The following MIR2052HG variants were observed in gnomAD, a reference collection of about 807,000 sequenced individuals.
The protein encoded by MIR2052HG is MIR2052 host gene.
intron 2 of MIR2052HG, among the ~76,000 whole-genome samples, chr8:74,659,508 G>A (rs768157721): frequency 5.9e-5 from 9 of 151,898 alleles, no homozygotes; most frequent in East Asian, 1.9e-4. Context: ...TAATATAATC[G>A]CAGCTCACTG....
intron 2 of MIR2052HG, among the ~76,000 whole-genome samples, chr8:74,676,662 A>G (rs1397577519): frequency 6.6e-6 from 1 of 151,922 alleles, no homozygotes; most frequent in East Asian, 1.9e-4. Flanking sequence ...AGAGTTTATT[A>G]GATAGGTTTA....
intron 2 of MIR2052HG, among the ~76,000 whole-genome samples, chr8:74,680,888 A>G (rs1809116574): frequency 6.6e-6 from 1 of 151,768 alleles, no homozygotes; most frequent in Non-Finnish European, 1.5e-5. Flanking sequence ...CAGCCAGAAA[A>G]AATGATGAGT....
chr8:74,681,697 C>G lies in MIR2052HG; in HGVS notation n.217-20682C>G, dbSNP rs148192768. ...GACAAGTTTGGCCCCCGTTTGCTCT[C>G]TGTCTTATGTTCTCACATAATATTC... On this transcript the variant is annotated intron_variant and non_coding_transcript_variant, in intron 2 of 6. Coordinates refer to ENST00000523442, the Ensembl canonical transcript of MIR2052HG. 8.9e-3 allele frequency among the ~76,000 whole-genome samples: 1,357 copies of G among 152,244 alleles called. 9 individuals are homozygous for G. Among genetic ancestry groups the G allele is most frequent in the Admixed American group, 0.015 (229 of 15,274 alleles).
chr8:74,679,589 G>C (rs151034713), intron 2 of MIR2052HG, among the ~76,000 whole-genome samples: 1 of 150,328 alleles, frequency 6.7e-6, no homozygotes. Context: ...GCAGTGTCAC[G>C]ATCTCGGCTT....
At chr8:74,743,717 T>C (rs1257615916) in intron 4 of MIR2052HG, among the ~76,000 whole-genome samples, 1 of 152,194 alleles carries the variant, frequency 6.6e-6, no homozygotes, top group African/African-American at 2.4e-5. Flanking sequence ...CTGGGTGGGA[T>C]AGGTAACATG....
At chr8:74,717,165 G>A (rs777733409) in intron 4 of MIR2052HG, among the ~76,000 whole-genome samples, 8 of 149,480 alleles carry the variant, frequency 5.4e-5, no homozygotes, top group African/African-American at 9.9e-5. Flanking sequence ...CCTCACCCCC[G>A]ACCCCCTGAA....
intron 2 of MIR2052HG, among the ~76,000 whole-genome samples, chr8:74,664,000 T>C (rs1351041504): frequency 6.6e-6 from 1 of 152,150 alleles, no homozygotes; most frequent in Non-Finnish European, 1.5e-5. Context: ...GAGGCCATTA[T>C]TCTAAGTGAA....
At chr8:74,702,659 A>G (rs1182397136) in intron 3 of MIR2052HG, among the ~76,000 whole-genome samples, 1 of 152,154 alleles carries the variant, frequency 6.6e-6, no homozygotes, top group East Asian at 1.9e-4. Context: ...ATTTTAACAA[A>G]ACTTTGGGAG....
At chr8:74,689,866 A>C (rs551116241) in intron 2 of MIR2052HG, among the ~76,000 whole-genome samples, 3 of 152,316 alleles carry the variant, frequency 2.0e-5, no homozygotes, top group Middle Eastern at 3.4e-3. Flanking sequence ...GGATAGAGAC[A>C]TGAAGAAGGC....
chr8:74,601,280 C>G (rs1241167727), intron 1 of MIR2052HG, among the ~76,000 whole-genome samples: 1 of 152,224 alleles, frequency 6.6e-6, no homozygotes, highest in Non-Finnish European at 1.5e-5. Flanking sequence ...TCAAAGCACT[C>G]CAACTGGAAT....
intron 4 of MIR2052HG, among the ~76,000 whole-genome samples, chr8:74,745,361 G>A (rs1344888845): frequency 1.3e-5 from 2 of 152,098 alleles, no homozygotes; most frequent in Non-Finnish European, 2.9e-5. Context: ...ATAATAAATG[G>A]TAAATAAGCA....
chr8:74,602,829 CTT>C (rs1348683057), intron 1 of MIR2052HG, among the ~76,000 whole-genome samples: 1 of 130,928 alleles, frequency 7.6e-6, no homozygotes, highest in South Asian at 2.4e-4. Flanking sequence ...TTCTTTCTTT[CTT>C]TCTTTCTTTC....
At chr8:74,724,765 A>T (rs1809616737) in intron 4 of MIR2052HG, among the ~76,000 whole-genome samples, 1 of 152,130 alleles carries the variant, frequency 6.6e-6, no homozygotes, top group South Asian at 2.1e-4. Flanking sequence ...CTTTATTTTG[A>T]TTAGTCAAGC....
chr8:74,622,918 C>T (rs1245101222), intron 2 of MIR2052HG, among the ~76,000 whole-genome samples: 1 of 151,824 alleles, frequency 6.6e-6, no homozygotes, highest in Admixed American at 6.6e-5. Flanking sequence ...ATAAGCCAGG[C>T]ACAGAAAGAT....
At chr8:74,701,412 C>T (rs919212215) in intron 2 of MIR2052HG, among the ~76,000 whole-genome samples, 7 of 151,966 alleles carry the variant, frequency 4.6e-5, no homozygotes, top group Admixed American at 6.6e-5. Flanking sequence ...CTTCATTGTG[C>T]GGGGGTTGGA....
At chr8:74,737,524 G>A (rs188931416) in intron 4 of MIR2052HG, among the ~76,000 whole-genome samples, 1 of 152,214 alleles carries the variant, frequency 6.6e-6, no homozygotes, top group Admixed American at 6.5e-5. Context: ...TTGCAGTCAC[G>A]ACCCTCTACC....
intron 4 of MIR2052HG, among the ~76,000 whole-genome samples, chr8:74,711,996 T>C (rs536369270): frequency 9.1e-4 from 139 of 152,234 alleles, no homozygotes; most frequent in African/African-American, 3.2e-3. Flanking sequence ...GTTTGCCATA[T>C]TGGTTAGTCC....
rs79658755 is a variant in MIR2052HG, at chr8:74,712,678, A to C, written n.371+8996A>C. 2.7e-4 allele frequency among the ~76,000 whole-genome samples: 40 copies of C among 148,786 alleles called. 1 individual carries two copies. In the East Asian group the frequency reaches 7.2e-3, roughly 27 times the overall value. ...CTGCTCAAAGGTTGGCCTCAGATTC[A>C]AGACTCTTTAGCTTTTTCTGCCTTT... On this transcript the variant is annotated intron_variant and non_coding_transcript_variant, in intron 4 of 6. Transcript: ENST00000523442.
intron 4 of MIR2052HG, among the ~76,000 whole-genome samples, chr8:74,751,351 G>A (rs958639779): frequency 1.3e-5 from 2 of 152,172 alleles, no homozygotes; most frequent in African/African-American, 4.8e-5. Flanking sequence ...TTCTTAACAT[G>A]AGAAGGCTAT....
Sources: gnomAD v4.1 joint callset for allele counts (sites outside exome capture counted in the v4.1 genomes callset) on GRCh38, gnomAD v4.1.1 for gene constraint, MANE v1.5 for transcripts, NCBI Gene and HGNC (gene_info 2026-07-23, HGNC 2026-07-21) for gene names.